Variants in LRRC37A observed in about 807,000 individuals in gnomAD.
The protein encoded by LRRC37A is leucine rich repeat containing 37A.
Under a neutral mutation model 35.4 loss-of-function variants are expected in LRRC37A, and 3 were observed. That is an observed-to-expected ratio of 0.08 (90% CI 0.04 to 0.22). The LOEUF (loss-of-function observed/expected upper bound fraction) is 0.22. LRRC37A is among the 10% of genes least tolerant of loss of function. LRRC37A has a pLI of 1.00. For synonymous variants in LRRC37A, 23 were observed against 215.0 expected (o/e 0.11, Z 7.81); for missense variants, 67 against 565.3 (o/e 0.12, Z 8.94).
chr17:46,335,249 G>C (rs2052263181), intron 10 of LRRC37A, among the ~76,000 whole-genome samples: 1 of 39,638 alleles, frequency 2.5e-5, no homozygotes, highest in African/African-American at 4.0e-5. Context: ...ATAAAGTATA[G>C]GGGGGATGCG....
chr17:46,270,065 C>T, the LRRC37A span, among the ~76,000 whole-genome samples: 3 of 152,182 alleles, frequency 2.0e-5, no homozygotes, highest in Admixed American at 2.0e-4. Flanking sequence ...TAAGGCTGTA[C>T]TTCAGTTTAT....
the LRRC37A span, among the ~76,000 whole-genome samples, chr17:46,249,671 A>G: frequency 6.6e-6 from 1 of 152,178 alleles, no homozygotes; most frequent in Non-Finnish European, 1.5e-5. Context: ...CTAAACCACT[A>G]AAGAGACAGG....
the LRRC37A span, among the ~76,000 whole-genome samples, chr17:46,261,830 T>A: frequency 3.9e-5 from 6 of 152,334 alleles, no homozygotes; most frequent in African/African-American, 1.4e-4. Flanking sequence ...ATGCAGGTAT[T>A]CATTACATTA....
At chr17:46,258,877 G>A in the LRRC37A span, among the ~76,000 whole-genome samples, 1 of 151,476 alleles carries the variant, frequency 6.6e-6, no homozygotes, top group Non-Finnish European at 1.5e-5. Flanking sequence ...ACCACGCCCG[G>A]CTAATTTTTT....
At chr17:46,289,638 C>A (rs572302070), upstream of LRRC37A, among the ~76,000 whole-genome samples, 26 of 152,248 alleles carry the variant, frequency 1.7e-4, 1 homozygote, top group African/African-American at 6.0e-4. Flanking sequence ...CTGTGCCCAG[C>A]CAAAATCTGA....
At chr17:46,260,090 G>C in the LRRC37A span, 2 of 1,588,992 alleles carry the variant, frequency 1.3e-6, no homozygotes, top group Non-Finnish European at 1.7e-6. Flanking sequence ...GCAGGTCCGG[G>C]GCTGGGCAGC....
the LRRC37A span, among the ~76,000 whole-genome samples, chr17:46,282,379 A>G: frequency 2.0e-5 from 3 of 151,618 alleles, no homozygotes; most frequent in Admixed American, 2.0e-4. Context: ...CTGGGATTAC[A>G]GGCGTGATCC....
chr17:46,274,521 G>A, the LRRC37A span, among the ~76,000 whole-genome samples: 1 of 152,216 alleles, frequency 6.6e-6, no homozygotes, highest in Non-Finnish European at 1.5e-5. Flanking sequence ...GACATCTAGA[G>A]GTTGTCTTGT....
At chr17:46,288,696 C>G (rs1306442832), upstream of LRRC37A, among the ~76,000 whole-genome samples, 4 of 148,012 alleles carry the variant, frequency 2.7e-5, no homozygotes, top group Non-Finnish European at 6.0e-5. Flanking sequence ...TTTACTGCAT[C>G]TTGTTTTTTC....
chr17:46,270,554 G>A, the LRRC37A span, among the ~76,000 whole-genome samples: 1 of 152,174 alleles, frequency 6.6e-6, no homozygotes, highest in Admixed American at 6.5e-5. Flanking sequence ...TTTTCTTTAA[G>A]ATAAAAAAAA....
At chr17:46,291,941 A>G (rs1294423077), upstream of LRRC37A, among the ~76,000 whole-genome samples, 2 of 147,792 alleles carry the variant, frequency 1.4e-5, no homozygotes, top group Non-Finnish European at 1.5e-5. Context: ...AGCCTAGGAA[A>G]AAGAATAAGG....
chr17:46,322,744 T>TAA (rs1283238288), intron 6 of LRRC37A, among the ~76,000 whole-genome samples: 3 of 46,134 alleles, frequency 6.5e-5, no homozygotes, highest in South Asian at 9.7e-4. Flanking sequence ...AAGATAATGG[T>TAA]AAAAAAAAAA....
At chr17:46,279,583 TA>T in the LRRC37A span, among the ~76,000 whole-genome samples, 1 of 149,580 alleles carries the variant, frequency 6.7e-6, no homozygotes, top group Non-Finnish European at 1.5e-5. Flanking sequence ...CTCACTGCAG[TA>T]TCTGTCTCCT....
chr17:46,283,425 C>T, the LRRC37A span, among the ~76,000 whole-genome samples: 1 of 152,242 alleles, frequency 6.6e-6, no homozygotes, highest in African/African-American at 2.4e-5. Flanking sequence ...TTCTTATTGT[C>T]AGTGAAAACA....
chr17:46,270,723 A>G, the LRRC37A span, among the ~76,000 whole-genome samples: 7 of 152,204 alleles, frequency 4.6e-5, no homozygotes, highest in Non-Finnish European at 1.0e-4. Context: ...CCTGGCCAAC[A>G]TAGCGAAACT....
upstream of LRRC37A, among the ~76,000 whole-genome samples, chr17:46,290,216 A>G (rs1343315212): frequency 6.6e-6 from 1 of 151,170 alleles, no homozygotes; most frequent in Admixed American, 6.6e-5. Flanking sequence ...TGCAGGGTCG[A>G]CCTCCTGGGG....
chr17:46,268,417 G>A, the LRRC37A span: 1 of 998,366 alleles, frequency 1.0e-6, no homozygotes, highest in Admixed American at 3.3e-5. Context: ...GTAGATTGCA[G>A]CTTAGGTATT....
chr17:46,313,944 G>T, intron 5 of LRRC37A, among the ~76,000 whole-genome samples: 1 of 37,130 alleles, frequency 2.7e-5, no homozygotes, highest in African/African-American at 6.3e-5. Context: ...GGATACTCTG[G>T]ATATTAGACC....
At chr17:46,274,538 A>C in the LRRC37A span, among the ~76,000 whole-genome samples, 1 of 152,388 alleles carries the variant, frequency 6.6e-6, no homozygotes, top group African/African-American at 2.4e-5. Flanking sequence ...TTGTACTTTT[A>C]CGTACAGGAA....
Sources: gnomAD v4.1 joint callset for allele counts (sites outside exome capture counted in the v4.1 genomes callset) on GRCh38, gnomAD v4.1.1 for gene constraint, MANE v1.5 for transcripts, NCBI Gene and HGNC (gene_info 2026-07-23, HGNC 2026-07-21) for gene names.